The following NSUN4 variants were observed in gnomAD, a reference collection of about 807,000 sequenced individuals.
NSUN4 encodes 5-cytosine rRNA methyltransferase NSUN4.
A neutral mutation model predicts 43.8 loss-of-function variants in NSUN4; 31 were observed. The observed-to-expected ratio is 0.71, with a 90% CI of 0.53 to 0.96. The LOEUF (loss-of-function observed/expected upper bound fraction) is 0.96, where lower values mean the gene tolerates loss of function less well. Ranked by LOEUF, NSUN4 falls within the 40% of genes least tolerant of loss-of-function variation. NSUN4 has a pLI of 0.00. For synonymous variants in NSUN4, 167 were observed against 184.1 expected, an observed-to-expected ratio of 0.91 and a Z score of 0.75; for missense variants, 439 against 475.6, an observed-to-expected ratio of 0.92 and a Z score of 0.72.
chr1:46,372,307 G>GT, the NSUN4 span, among the ~76,000 whole-genome samples: 828 of 150,274 alleles, frequency 5.5e-3, 8 homozygotes, highest in Middle Eastern at 0.034. Flanking sequence ...CGCCCGGCTG[G>GT]TTTTTTTTTG....
At chr1:46,357,149 TTTTC>T (rs1355725009) in intron 4 of NSUN4, among the ~76,000 whole-genome samples, 3 of 152,214 alleles carry the variant, frequency 2.0e-5, no homozygotes, top group Non-Finnish European at 4.4e-5. Context: ...TACAACTTCC[TTTTC>T]TTTCTTCTGT....
chr1:46,377,290 TC>T, the NSUN4 span, among the ~76,000 whole-genome samples: 1 of 152,192 alleles, frequency 6.6e-6, no homozygotes, highest in Non-Finnish European at 1.5e-5. Context: ...CTTTAAGTGA[TC>T]CACCCGCCTT....
chr1:46,349,887 A>G (rs1662854000), intron 3 of NSUN4, among the ~76,000 whole-genome samples: 1 of 152,160 alleles, frequency 6.6e-6, no homozygotes, highest in African/African-American at 2.4e-5. Context: ...AGGAACTTGA[A>G]CTAGGAGGAG....
At chr1:46,349,341 C>G (rs5013328) in intron 3 of NSUN4, among the ~76,000 whole-genome samples, 81 of 151,642 alleles carry the variant, frequency 5.3e-4, no homozygotes, top group Admixed American at 2.0e-3. Flanking sequence ...AGGGTTTCAC[C>G]GTGTTAGCCA....
At chr1:46,384,866 T>C in the NSUN4 span, among the ~76,000 whole-genome samples, 1 of 152,218 alleles carries the variant, frequency 6.6e-6, no homozygotes, top group Admixed American at 6.5e-5. Context: ...GCTGATGTCC[T>C]GGCAACTCCA....
chr1:46,350,686 G>A (rs1662910832), intron 3 of NSUN4, among the ~76,000 whole-genome samples: 1 of 152,196 alleles, frequency 6.6e-6, no homozygotes, highest in Non-Finnish European at 1.5e-5. Flanking sequence ...GGCTTAAAGA[G>A]GAAACATTAA....
chr1:46,356,534 T>C (rs1453249978), intron 4 of NSUN4, among the ~76,000 whole-genome samples: 1 of 151,910 alleles, frequency 6.6e-6, no homozygotes, highest in African/African-American at 2.4e-5. Context: ...CTACTAAAAA[T>C]ACAAAAAATT....
chr1:46,359,555 T>G (rs1343448184), intron 4 of NSUN4, among the ~76,000 whole-genome samples: 25 of 140,998 alleles, frequency 1.8e-4, no homozygotes, highest in South Asian at 4.6e-4. Flanking sequence ...GGCTAAATTT[T>G]TTTTTTTTTT....
At chr1:46,342,809 C>T (rs994121758) in intron 1 of NSUN4, 2 of 399,380 alleles carry the variant, frequency 5.0e-6, no homozygotes, top group African/African-American at 2.1e-5. Context: ...ACAAATGTCT[C>T]TCCCTAGTCA....
the NSUN4 span, among the ~76,000 whole-genome samples, chr1:46,381,784 C>T: frequency 6.6e-6 from 1 of 152,162 alleles, no homozygotes; most frequent in East Asian, 1.9e-4. Flanking sequence ...TATTCTTTTA[C>T]TCAGGAAATG....
At chr1:46,379,678 AAG>A in the NSUN4 span, among the ~76,000 whole-genome samples, 2 of 152,122 alleles carry the variant, frequency 1.3e-5, no homozygotes, top group African/African-American at 4.8e-5. Flanking sequence ...TAATTTATAA[AAG>A]AGTGGAACAT....
In NSUN4 at chr1:46,341,851, G is replaced by C. The variant is rs548232596; in HGVS notation, c.93+932G>C. The C allele has an allele frequency of 8.9e-6, 11 of 1,232,806 alleles. No individual in the cohort carries two copies. In the South Asian group the frequency reaches 2.5e-4, roughly 28 times the overall value. The allele number at this position is 1,232,806 out of a possible 1,614,324, so 76.4% of individuals were successfully genotyped here. ...TGGATGAGTCCCTCCAGAATGCGGCGTCCCTGTCTTCAAGGCACGTACTGT... is the reference window on the plus strand; with the variant it reads ...TGGATGAGTCCCTCCAGAATGCGGCCTCCCTGTCTTCAAGGCACGTACTGT... On this transcript the variant is annotated intron_variant, in intron 1 of 5. Coordinates refer to ENST00000474844, the MANE Select transcript of NSUN4 (RefSeq NM_199044.4).
downstream of NSUN4, among the ~76,000 whole-genome samples, chr1:46,366,748 C>T (rs1664146763): frequency 6.7e-6 from 1 of 148,402 alleles, no homozygotes; most frequent in African/African-American, 2.5e-5. Flanking sequence ...AGAACCAAGC[C>T]CACAGAGAAT....
chr1:46,381,219 A>G, the NSUN4 span, among the ~76,000 whole-genome samples: 1 of 152,156 alleles, frequency 6.6e-6, no homozygotes, highest in Non-Finnish European at 1.5e-5. Context: ...GTCTTGGTCT[A>G]TGCAATCTTT....
chr1:46,365,523 G>A (rs1251833202), downstream of NSUN4, among the ~76,000 whole-genome samples: 2 of 151,934 alleles, frequency 1.3e-5, no homozygotes, highest in Non-Finnish European at 2.9e-5. Flanking sequence ...TGTATTTTTA[G>A]TAGAAACGGG....
At chr1:46,373,793 C>T in the NSUN4 span, among the ~76,000 whole-genome samples, 1 of 152,248 alleles carries the variant, frequency 6.6e-6, no homozygotes, top group South Asian at 2.1e-4. Flanking sequence ...AATACTGTTA[C>T]ATTGGGGATA....
At chr1:46,345,892 T>C (rs1337738515) in intron 2 of NSUN4, among the ~76,000 whole-genome samples, 2 of 152,076 alleles carry the variant, frequency 1.3e-5, no homozygotes, top group African/African-American at 4.8e-5. Context: ...GCTCACGCCT[T>C]TAATCCTAGC....
the NSUN4 span, among the ~76,000 whole-genome samples, chr1:46,371,330 G>A: frequency 4.2e-5 from 6 of 143,324 alleles, no homozygotes; most frequent in African/African-American, 1.6e-4. Context: ...TTTTGAGATG[G>A]AGTCTTGCTC....
At chr1:46,372,247 TCTC>T in the NSUN4 span, among the ~76,000 whole-genome samples, 2 of 151,482 alleles carry the variant, frequency 1.3e-5, no homozygotes, top group East Asian at 3.9e-4. Flanking sequence ...TTCATGCCAT[TCTC>T]CTGCCTCAGC....
Sources: allele counts gnomAD v4.1 joint callset (sites outside exome capture counted in the v4.1 genomes callset), GRCh38; gene constraint gnomAD v4.1.1; transcripts MANE v1.5; gene names NCBI Gene and HGNC (gene_info 2026-07-23, HGNC 2026-07-21).